MTUS2: variants seen among roughly 807,000 people sequenced by gnomAD.
MTUS2 encodes the protein microtubule associated scaffold protein 2, also known as microtubule-associated tumor suppressor candidate 2.
MTUS2 carries 40 observed loss-of-function variants against 114.1 expected under a neutral mutation model. That is an observed-to-expected ratio of 0.35 (90% CI 0.27 to 0.46). The LOEUF (loss-of-function observed/expected upper bound fraction) is 0.46, where lower values mean the gene tolerates loss of function less well. MTUS2 is among the 20% of genes least tolerant of loss of function. The probability of loss-of-function intolerance (pLI) is 1.00; values close to 1 mark genes in which losing one functional copy is unlikely to be tolerated. For missense variants in MTUS2, 1,679 were observed against 1,705.4 expected, an observed-to-expected ratio of 0.98 and a Z score of 0.27; for synonymous variants, 688 against 672.0, an observed-to-expected ratio of 1.02 and a Z score of -0.37.
intron 5 of MTUS2, among the ~76,000 whole-genome samples, chr13:29,264,947 A>C (rs936124518): frequency 2.0e-5 from 3 of 152,222 alleles, no homozygotes; most frequent in Non-Finnish European, 4.4e-5. Flanking sequence ...AGATATTTCT[A>C]GCAAGTGGTT....
At chr13:29,207,123 C>A (rs1895221762) in intron 5 of MTUS2, among the ~76,000 whole-genome samples, 1 of 151,738 alleles carries the variant, frequency 6.6e-6, no homozygotes. Flanking sequence ...GGTCTTTCAC[C>A]CCCTTGGTTA....
intron 1 of MTUS2, among the ~76,000 whole-genome samples, chr13:28,826,547 A>G (rs1874282981): frequency 6.6e-6 from 1 of 152,236 alleles, no homozygotes. Flanking sequence ...GAGTGTTTAC[A>G]CACAGTCATT....
intron 4 of MTUS2, among the ~76,000 whole-genome samples, chr13:29,038,193 C>T (rs1351139823): frequency 2.0e-5 from 3 of 152,128 alleles, no homozygotes; most frequent in Non-Finnish European, 2.9e-5. Context: ...TCAGATGGGA[C>T]ATCTTTTTTG....
At chr13:28,869,522 C>T (rs185559110) in intron 2 of MTUS2, among the ~76,000 whole-genome samples, 2 of 152,242 alleles carry the variant, frequency 1.3e-5, no homozygotes, top group East Asian at 1.9e-4. Flanking sequence ...CCTGTAATCC[C>T]AGCACTTTGG....
chr13:29,468,585 T>TACACAC (rs59451142), intron 9 of MTUS2, among the ~76,000 whole-genome samples: 2,881 of 146,814 alleles, frequency 0.02, 68 homozygotes, highest in African/African-American at 0.064. Flanking sequence ...TGTCTCAAAA[T>TACACAC]ACACACACAC....
At chr13:29,225,605 C>T (rs565612253) in intron 5 of MTUS2, among the ~76,000 whole-genome samples, 1 of 152,334 alleles carries the variant, frequency 6.6e-6, no homozygotes, top group South Asian at 2.1e-4. Flanking sequence ...GCATGGACAT[C>T]AGTGACAGGA....
chr13:29,497,367 G>T, intron 13 of MTUS2, 31 bp downstream of exon 13: 2 of 1,584,488 alleles, frequency 1.3e-6, no homozygotes, highest in Non-Finnish European at 1.7e-6. Context: ...TTCCAGCCCC[G>T]CAGGAACCCC....
At chr13:29,056,230 C>G (rs1204027750) in intron 4 of MTUS2, among the ~76,000 whole-genome samples, 1 of 151,974 alleles carries the variant, frequency 6.6e-6, no homozygotes, top group Non-Finnish European at 1.5e-5. Context: ...ACATTTAAGT[C>G]TTTAATACAT....
intron 7 of MTUS2, among the ~76,000 whole-genome samples, chr13:29,354,231 A>G (rs985291557): frequency 2.3e-5 from 3 of 131,122 alleles, no homozygotes; most frequent in African/African-American, 9.2e-5. Flanking sequence ...TGTCTTGTAT[A>G]TTTTGGGCAT....
intron 7 of MTUS2, among the ~76,000 whole-genome samples, chr13:29,356,840 G>A (rs1869782996): frequency 6.6e-6 from 1 of 152,186 alleles, no homozygotes; most frequent in South Asian, 2.1e-4. Context: ...CTTGATCTGT[G>A]CTCTGACAGT....
At chr13:29,376,625 A>G (rs1871769088) in intron 8 of MTUS2, among the ~76,000 whole-genome samples, 1 of 152,308 alleles carries the variant, frequency 6.6e-6, no homozygotes, top group African/African-American at 2.4e-5. Flanking sequence ...ATAAAAATAT[A>G]AATTTATTTT....
chr13:29,470,984 T>A (rs923110345), intron 9 of MTUS2, among the ~76,000 whole-genome samples: 6 of 152,198 alleles, frequency 3.9e-5, no homozygotes, highest in African/African-American at 1.2e-4. Context: ...TTCCCCGGTC[T>A]TTCCCTAGCC....
chr13:29,332,367 C>T (rs536241857), intron 7 of MTUS2, among the ~76,000 whole-genome samples: 6 of 152,136 alleles, frequency 3.9e-5, no homozygotes, highest in Non-Finnish European at 7.4e-5. Context: ...ATAGTATTCT[C>T]GGATGGTAGT....
At chr13:29,424,828 G>A (rs1876388435) in intron 8 of MTUS2, among the ~76,000 whole-genome samples, 1 of 152,136 alleles carries the variant, frequency 6.6e-6, no homozygotes, top group African/African-American at 2.4e-5. Flanking sequence ...CAATGGCATG[G>A]CAGCAAAAGG....
intron 5 of MTUS2, among the ~76,000 whole-genome samples, chr13:29,146,362 A>G (rs1236263761): frequency 1.3e-5 from 2 of 152,248 alleles, no homozygotes; most frequent in Non-Finnish European, 2.9e-5. Context: ...TGTAACTTTA[A>G]GAACAAATTT....
intron 2 of MTUS2, among the ~76,000 whole-genome samples, chr13:28,903,545 A>C (rs1238003597): frequency 6.6e-6 from 1 of 151,322 alleles, no homozygotes; most frequent in Admixed American, 6.6e-5. Context: ...TAGTTTGCTG[A>C]GAATGATGGT....
chr13:28,872,389 C>T (rs775516458), intron 2 of MTUS2, among the ~76,000 whole-genome samples: 7 of 152,038 alleles, frequency 4.6e-5, no homozygotes, highest in Non-Finnish European at 1.0e-4. Flanking sequence ...GGGAAAAAAC[C>T]AAAAGATTTG....
At chr13:29,283,626 G>A (rs770180990) in intron 6 of MTUS2, among the ~76,000 whole-genome samples, 3 of 152,120 alleles carry the variant, frequency 2.0e-5, no homozygotes, top group East Asian at 1.9e-4. Flanking sequence ...ATTACTGGAC[G>A]CTATCCCCAG....
At chr13:29,367,920 T>A (rs1441461372) in intron 8 of MTUS2, among the ~76,000 whole-genome samples, 1 of 150,004 alleles carries the variant, frequency 6.7e-6, no homozygotes, top group Non-Finnish European at 1.5e-5. Context: ...GCTTTTCTTT[T>A]TTTTCCTCCT....
Sources: gnomAD v4.1 joint callset for allele counts (sites outside exome capture counted in the v4.1 genomes callset) on GRCh38, gnomAD v4.1.1 for gene constraint, MANE v1.5 for transcripts, NCBI Gene and HGNC (gene_info 2026-07-23, HGNC 2026-07-21) for gene names.